Variants in SEZ6L observed in about 807,000 individuals in gnomAD.
SEZ6L encodes seizure 6-like protein.
A neutral mutation model predicts 106.2 loss-of-function variants in SEZ6L; 37 were observed. The ratio of observed to expected loss-of-function variants is 0.35; its 90% confidence interval spans 0.27 to 0.46. SEZ6L has a LOEUF of 0.46. SEZ6L is among the 20% of genes least tolerant of loss of function. The pLI, the probability that SEZ6L is intolerant of heterozygous loss-of-function variation, is 1.00. For synonymous variants in SEZ6L, 541 were observed against 570.4 expected (o/e 0.95, Z 0.73); for missense variants, 1,172 against 1,332.8 (o/e 0.88, Z 1.88).
intron 11 of SEZ6L, among the ~76,000 whole-genome samples, chr22:26,348,705 G>GAAAGAAA (rs1481352357): frequency 1.2e-4 from 6 of 48,068 alleles, no homozygotes; most frequent in Non-Finnish European, 2.5e-4. Flanking sequence ...AAAGAAAGAA[G>GAAAGAAA]GCAAGGGAGG....
chr22:26,189,730 G>A (rs1444934137), intron 1 of SEZ6L, among the ~76,000 whole-genome samples: 1 of 152,080 alleles, frequency 6.6e-6, no homozygotes, highest in African/African-American at 2.4e-5. Flanking sequence ...GGCATCCTGG[G>A]GGTCCTGGAA....
intron 5 of SEZ6L, among the ~76,000 whole-genome samples, chr22:26,301,577 A>C (rs1339299344): frequency 1.3e-5 from 2 of 152,234 alleles, no homozygotes; most frequent in East Asian, 3.8e-4. Flanking sequence ...TTATTGTGAG[A>C]GGCGTTGCAA....
intron 1 of SEZ6L, among the ~76,000 whole-genome samples, chr22:26,273,729 C>A (rs1296951490): frequency 6.6e-6 from 1 of 152,140 alleles, no homozygotes; most frequent in Non-Finnish European, 1.5e-5. Flanking sequence ...CCCCCTAGCT[C>A]AAAGTGGTGC....
intron 9 of SEZ6L, among the ~76,000 whole-genome samples, chr22:26,326,096 A>C (rs553016489): frequency 3.3e-5 from 5 of 152,130 alleles, no homozygotes; most frequent in Non-Finnish European, 7.4e-5. Flanking sequence ...TAACTTGGAA[A>C]CACAAGCACC....
At chr22:26,225,594 G>C (rs1269133887) in intron 1 of SEZ6L, among the ~76,000 whole-genome samples, 2 of 152,202 alleles carry the variant, frequency 1.3e-5, no homozygotes, top group Non-Finnish European at 2.9e-5. Context: ...CTGTGTTAGG[G>C]TAATGCATTG....
chr22:26,359,831 A>G (rs1403248044), intron 12 of SEZ6L, among the ~76,000 whole-genome samples: 1 of 152,140 alleles, frequency 6.6e-6, no homozygotes. Context: ...AAGTAGGAAT[A>G]AAGATATAAT....
chr22:26,357,770 G>A (rs1219836052), intron 12 of SEZ6L, among the ~76,000 whole-genome samples: 1 of 152,216 alleles, frequency 6.6e-6, no homozygotes, highest in East Asian at 1.9e-4. Context: ...CAAAATGAAT[G>A]TGGTCTTTAT....
At chr22:26,289,525 C>T (rs2081042057) in intron 1 of SEZ6L, among the ~76,000 whole-genome samples, 1 of 152,188 alleles carries the variant, frequency 6.6e-6, no homozygotes, top group Non-Finnish European at 1.5e-5. Flanking sequence ...CACTACTCCC[C>T]ACCTTGGACT....
chr22:26,188,453 C>T (rs1029718609), intron 1 of SEZ6L, among the ~76,000 whole-genome samples: 3 of 152,156 alleles, frequency 2.0e-5, no homozygotes, highest in African/African-American at 4.8e-5. Context: ...TAAGTTTTCC[C>T]TCATGTGACT....
intron 12 of SEZ6L, among the ~76,000 whole-genome samples, chr22:26,362,817 G>GGGAAGGAAACAGTTCATAACTCCCAGT (rs2083678801): frequency 6.6e-6 from 1 of 152,016 alleles, no homozygotes; most frequent in Non-Finnish European, 1.5e-5. Context: ...TAACTCCCAG[G>GGGAAGGAAACAGTTCATAACTCCCAGT]GAAGACTGCT....
At chr22:26,286,910 A>G (rs901477734) in intron 1 of SEZ6L, among the ~76,000 whole-genome samples, 1 of 151,606 alleles carries the variant, frequency 6.6e-6, no homozygotes, top group Non-Finnish European at 1.5e-5. Context: ...ACCATGCCTG[A>G]CTAATTTTTG....
At chr22:26,246,373 C>T (rs1213955111) in intron 1 of SEZ6L, among the ~76,000 whole-genome samples, 3 of 152,136 alleles carry the variant, frequency 2.0e-5, no homozygotes, top group Non-Finnish European at 2.9e-5. Flanking sequence ...TAGACACTCA[C>T]ATTTGTTGAA....
At chr22:26,337,150 T>C (rs2082671476) in intron 9 of SEZ6L, among the ~76,000 whole-genome samples, 1 of 152,122 alleles carries the variant, frequency 6.6e-6, no homozygotes, top group Non-Finnish European at 1.5e-5. Flanking sequence ...AGACAAGAAA[T>C]TTCAGAAAAA....
chr22:26,194,850 C>G (rs1940474829), intron 1 of SEZ6L, among the ~76,000 whole-genome samples: 1 of 152,024 alleles, frequency 6.6e-6, no homozygotes. Flanking sequence ...ATGTAAAGAT[C>G]TTACTTAAGT....
chr22:26,370,697 GAA>G (rs111967410), intron 13 of SEZ6L, among the ~76,000 whole-genome samples: 1 of 142,306 alleles, frequency 7.0e-6, no homozygotes, highest in Non-Finnish European at 1.5e-5. Flanking sequence ...TTGTTTTACA[GAA>G]AAAAAAAAAG....
chr22:26,350,859 T>C (rs1048416414), intron 11 of SEZ6L, among the ~76,000 whole-genome samples, 193 bp from the exon 12 acceptor site: 1 of 151,994 alleles, frequency 6.6e-6, no homozygotes, highest in African/African-American at 2.4e-5. Flanking sequence ...GGTTTCACCA[T>C]GTTAGCCAGG....
At chr22:26,230,297 A>G (rs2038331) in intron 1 of SEZ6L, among the ~76,000 whole-genome samples, 127,082 of 151,766 alleles carry the variant, frequency 0.84, 53,483 homozygotes, top group East Asian at 1. Context: ...ACCATTTGAG[A>G]GTTACTCCTT....
At chr22:26,290,767 C>A (rs368576849) in intron 1 of SEZ6L, among the ~76,000 whole-genome samples, 1 of 152,244 alleles carries the variant, frequency 6.6e-6, no homozygotes, top group East Asian at 1.9e-4. Context: ...GCTTTATCCC[C>A]CGTACTCTCC....
At chr22:26,249,200 A>C (rs1471429560) in intron 1 of SEZ6L, among the ~76,000 whole-genome samples, 1 of 152,192 alleles carries the variant, frequency 6.6e-6, no homozygotes, top group South Asian at 2.1e-4. Flanking sequence ...TCTTCTAGCT[A>C]TTTGAATATA....
Sources: allele counts gnomAD v4.1 joint callset (sites outside exome capture counted in the v4.1 genomes callset), GRCh38; gene constraint gnomAD v4.1.1; transcripts MANE v1.5; gene names NCBI Gene and HGNC (gene_info 2026-07-23, HGNC 2026-07-21).